The following YTHDC2 variants were observed in gnomAD, a reference collection of about 807,000 sequenced individuals.
The protein encoded by YTHDC2 is YTH N6-methyladenosine RNA binding protein C2.
In YTHDC2, 45 loss-of-function variants were observed where a neutral mutation model predicts 174.9. The ratio of observed to expected loss-of-function variants is 0.26; its 90% confidence interval spans 0.20 to 0.33. YTHDC2 has a LOEUF of 0.33. Among genes scored for constraint, YTHDC2 ranks in the 10% least tolerant of loss-of-function variants. The probability of loss-of-function intolerance (pLI) is 1.00; values close to 1 mark genes in which losing one functional copy is unlikely to be tolerated. For synonymous variants in YTHDC2, 657 were observed against 574.5 expected, an observed-to-expected ratio of 1.14 and a Z score of -2.05; for missense variants, 1,650 against 1,723.7, an observed-to-expected ratio of 0.96 and a Z score of 0.76.
At chr5:113,547,506 T>C (rs1775961896) in intron 10 of YTHDC2, among the ~76,000 whole-genome samples, 1 of 152,206 alleles carries the variant, frequency 6.6e-6, no homozygotes, top group Admixed American at 6.5e-5. Flanking sequence ...CTTTGGTTGA[T>C]GTGTCAGTGC....
intron 23 of YTHDC2, among the ~76,000 whole-genome samples, chr5:113,578,030 C>A (rs921807597): frequency 6.6e-6 from 1 of 152,056 alleles, no homozygotes; most frequent in Non-Finnish European, 1.5e-5. Context: ...CCTTTTATTT[C>A]TTTCTGAGGA....
intron 12 of YTHDC2, 35 bp from the exon 13 acceptor site, chr5:113,553,146 A>G (rs1776363724): frequency 1.4e-6 from 2 of 1,449,930 alleles, no homozygotes; most frequent in Non-Finnish European, 1.8e-6. Flanking sequence ...GTTAATGGAA[A>G]TTGACTTTGT....
intron 25 of YTHDC2, chr5:113,582,796 A>T (rs1778475196): frequency 6.6e-6 from 1 of 152,144 alleles, no homozygotes; most frequent in Non-Finnish European, 1.5e-5. Context: ...TTTAAAGAGG[A>T]ATAAAACATT....
intron 18 of YTHDC2, 130 bp downstream of exon 18, chr5:113,561,315 G>T: frequency 1.7e-6 from 1 of 572,248 alleles, no homozygotes; most frequent in Non-Finnish European, 2.9e-6. Flanking sequence ...TATTATGGAG[G>T]GTGGCTATGT....
intron 28 of YTHDC2, 131 bp downstream of exon 28, chr5:113,592,309 A>C: frequency 1.1e-6 from 1 of 905,988 alleles, no homozygotes; most frequent in Admixed American, 3.5e-5. Flanking sequence ...ACAGGGGTTC[A>C]GGTTTGTAAA....
chr5:113,584,605 G>A, intron 26 of YTHDC2, 126 bp downstream of exon 26: 1 of 816,022 alleles, frequency 1.2e-6, no homozygotes, highest in East Asian at 2.6e-5. Context: ...GTAAGTTGAA[G>A]CTAGCAAACT....
At chr5:113,526,167 T>A (rs1774224556) in intron 3 of YTHDC2, among the ~76,000 whole-genome samples, 1 of 152,106 alleles carries the variant, frequency 6.6e-6, no homozygotes, top group African/African-American at 2.4e-5. Flanking sequence ...ATAAGTATAA[T>A]GTACATTATT....
At chr5:113,567,005 T>C in intron 21 of YTHDC2, 87 bp from the exon 22 acceptor site, 4 of 1,390,576 alleles carry the variant, frequency 2.9e-6, no homozygotes, top group Non-Finnish European at 3.9e-6. Context: ...TCACAAAATT[T>C]ACATGAGTTG....
At chr5:113,526,863 A>G (rs1774294005) in intron 4 of YTHDC2, 78 bp downstream of exon 4, 3 of 365,320 alleles carry the variant, frequency 8.2e-6, no homozygotes, top group Non-Finnish European at 1.3e-5. Context: ...CCATATTATA[A>G]TTTTATATCA....
Position 113,556,118 on chromosome 5 carries a change from A to G in YTHDC2, c.2200A>G (p.Ile734Val), listed in dbSNP as rs1340216248. The G allele has an allele frequency of 1.9e-6, 3 of 1,607,156 alleles. No individual in the cohort carries two copies. Among genetic ancestry groups the G allele is most frequent in the African/African-American group, 2.7e-5 (2 of 74,788 alleles). The change falls in exon 17 of 30, where the codon ATA becomes GTA. Residue 734 changes from isoleucine (I) to valine (V), a missense_variant. Physicochemically the swap from Ile to Val is conservative, Grantham distance 29 (BLOSUM62 3). Coordinates refer to ENST00000161863, the MANE Select transcript of YTHDC2 (RefSeq NM_022828.5). The part of the protein sequence containing the change: ...KMVWISKASA[I>V]QRKGRAGRCR... ...GGTATGGATTTCCAAAGCTAGTGCCATACAGCGGAAAGGCAGGTAATGTAT... is the reference window on the plus strand; with the variant it reads ...GGTATGGATTTCCAAAGCTAGTGCCGTACAGCGGAAAGGCAGGTAATGTAT...
At chr5:113,530,287 T>G (rs1414040200) in intron 4 of YTHDC2, among the ~76,000 whole-genome samples, 1 of 152,234 alleles carries the variant, frequency 6.6e-6, no homozygotes, top group Non-Finnish European at 1.5e-5. Flanking sequence ...GAGGCTATTT[T>G]TGACCAAATA....
chr5:113,593,432 C>T, intron 29 of YTHDC2, 42 bp downstream of exon 29: 2 of 1,421,648 alleles, frequency 1.4e-6, no homozygotes, highest in South Asian at 2.4e-5. Flanking sequence ...TATTTGTGAT[C>T]ATTAGGAACC....
intron 2 of YTHDC2, among the ~76,000 whole-genome samples, chr5:113,523,545 C>A (rs1045012036): frequency 2.6e-5 from 4 of 152,072 alleles, no homozygotes; most frequent in African/African-American, 9.7e-5. Flanking sequence ...TTGAATTTAT[C>A]ATGGAAATAA....
At chr5:113,545,590 GA>G (rs1775814151) in intron 10 of YTHDC2, among the ~76,000 whole-genome samples, 1 of 151,910 alleles carries the variant, frequency 6.6e-6, no homozygotes, top group African/African-American at 2.4e-5. Flanking sequence ...TTCTTTTGTT[GA>G]AGAGCTGGCC....
In YTHDC2 at chr5:113,553,177, T is replaced by C. The variant is rs535514149; in HGVS notation, c.1689-4T>C. 3.4e-5 allele frequency: 43 copies of C among 1,251,302 alleles called. No individual in the cohort carries two copies. The Admixed American group carries it at 1.3e-3, about 36-fold the overall frequency. 77.5% of individuals were successfully genotyped at this position (1,251,302 alleles called of 1,614,324 possible). ...TTTGTCTTTTTTTTTTTTTTTTTTTTCAGTGCTACACTGGAATTTGGAAAT... is the reference window on the plus strand; with the variant it reads ...TTTGTCTTTTTTTTTTTTTTTTTTTCCAGTGCTACACTGGAATTTGGAAAT... On this transcript the variant is annotated splice_polypyrimidine_tract_variant and splice_region_variant and intron_variant, in intron 12 of 29. Transcript: ENST00000161863.
At chr5:113,526,202 C>T (rs1774226775) in intron 3 of YTHDC2, among the ~76,000 whole-genome samples, 1 of 151,716 alleles carries the variant, frequency 6.6e-6, no homozygotes, top group Non-Finnish European at 1.5e-5. Flanking sequence ...TTTAATTTTC[C>T]ATGAAATTAT....
intron 18 of YTHDC2, among the ~76,000 whole-genome samples, chr5:113,562,189 T>C (rs1367226020): frequency 1.3e-5 from 2 of 148,972 alleles, no homozygotes; most frequent in Non-Finnish European, 3.0e-5. Flanking sequence ...TTATGTGTGA[T>C]TTTCTGTTCC....
chr5:113,583,876 T>G (rs974231281), intron 25 of YTHDC2: 1 of 153,060 alleles, frequency 6.5e-6, no homozygotes, highest in Non-Finnish European at 1.5e-5. Context: ...GGTGGTGTTG[T>G]GAACTTTATA....
rs113527060 is a variant in YTHDC2, at chr5:113,534,277, G to A, written c.843-28G>A. 4.7e-4 allele frequency: 738 copies of A among 1,575,194 alleles called. 8 individuals are homozygous for A. In the African/African-American group the frequency reaches 8.6e-3, roughly 18 times the overall value. The stretch of plus-strand genomic sequence containing the variant: ...AGTTACATGAAAAACTTGCAATTGT[G>A]CACTTTGTTTTGCTTTTTTTTTAAA... On this transcript the variant is annotated intron_variant, in intron 5 of 29. Coordinates refer to ENST00000161863, the MANE Select transcript of YTHDC2 (RefSeq NM_022828.5).
Sources: gnomAD v4.1 joint callset for allele counts (sites outside exome capture counted in the v4.1 genomes callset) on GRCh38, gnomAD v4.1.1 for gene constraint, MANE v1.5 for transcripts, NCBI Gene and HGNC (gene_info 2026-07-23, HGNC 2026-07-21) for gene names.